The following KHDRBS2 variants were observed in gnomAD, a reference collection of about 807,000 sequenced individuals.
KHDRBS2 encodes the protein KH domain-containing, RNA-binding, signal transduction-associated protein 2.
A neutral mutation model predicts 44.3 loss-of-function variants in KHDRBS2; 26 were observed. That is an observed-to-expected ratio of 0.59 (90% CI 0.43 to 0.81). KHDRBS2 has a LOEUF of 0.81. KHDRBS2 is among the 40% of genes least tolerant of loss of function. The pLI is 0.00. For missense variants in KHDRBS2, 476 were observed against 433.1 expected, an observed-to-expected ratio of 1.10 and a Z score of -0.88; for synonymous variants, 194 against 151.1, an observed-to-expected ratio of 1.28 and a Z score of -2.08.
rs182404613 is a variant in KHDRBS2, at chr6:61,923,605, A to T, written c.484-22234T>A. 5.3e-5 allele frequency among the ~76,000 whole-genome samples: 8 copies of T among 152,090 alleles called. No individual in the cohort carries two copies. In the East Asian group the frequency reaches 1.5e-3, roughly 29 times the overall value. The stretch of plus-strand genomic sequence containing the variant: ...AATAATCTCAATAGATGTAGGAAAA[A>T]CATTTAACAAAATCCAATATTCATT... On this transcript the variant is annotated intron_variant, in intron 4 of 8. Transcript: ENST00000281156.
chr6:61,620,998 C>T, the KHDRBS2 span, among the ~76,000 whole-genome samples: 15 of 152,314 alleles, frequency 9.8e-5, no homozygotes, highest in African/African-American at 2.6e-4. Flanking sequence ...TTCTCTTGCA[C>T]TTCTGCCTCT....
chr6:62,073,408 C>A (rs1407034957), intron 2 of KHDRBS2, among the ~76,000 whole-genome samples: 1 of 151,536 alleles, frequency 6.6e-6, no homozygotes, highest in East Asian at 2.0e-4. Flanking sequence ...ACTAATGTCC[C>A]AGTTTCATTT....
At chr6:61,624,372 G>C in the KHDRBS2 span, among the ~76,000 whole-genome samples, 2 of 152,146 alleles carry the variant, frequency 1.3e-5, no homozygotes, top group Non-Finnish European at 2.9e-5. Context: ...CAAACACCAA[G>C]TGGACACTTG....
chr6:62,263,458 A>G (rs1563155015), intron 1 of KHDRBS2, among the ~76,000 whole-genome samples: 1 of 151,690 alleles, frequency 6.6e-6, no homozygotes, highest in South Asian at 2.1e-4. Context: ...TTACTGATAC[A>G]TGATTAATGT....
chr6:61,599,316 A>G, the KHDRBS2 span, among the ~76,000 whole-genome samples: 1 of 152,120 alleles, frequency 6.6e-6, no homozygotes, highest in Non-Finnish European at 1.5e-5. Flanking sequence ...TCTAAATAGT[A>G]TTCTTTCATA....
chr6:61,592,336 A>G, the KHDRBS2 span, among the ~76,000 whole-genome samples: 1 of 152,202 alleles, frequency 6.6e-6, no homozygotes, highest in Non-Finnish European at 1.5e-5. Flanking sequence ...TTGAGGTTAC[A>G]GTAAAAATAA....
At chr6:62,007,722 A>G (rs1270646920) in intron 3 of KHDRBS2, among the ~76,000 whole-genome samples, 2 of 152,264 alleles carry the variant, frequency 1.3e-5, no homozygotes, top group East Asian at 3.9e-4. Flanking sequence ...GTGGCTGAAA[A>G]ATAGATGTAT....
At chr6:61,685,657 G>A (rs902943241) in intron 8 of KHDRBS2, among the ~76,000 whole-genome samples, 9 of 151,736 alleles carry the variant, frequency 5.9e-5, no homozygotes, top group African/African-American at 1.9e-4. Context: ...ACATTTGACT[G>A]TGATAGAAGA....
the KHDRBS2 span, among the ~76,000 whole-genome samples, chr6:61,662,604 C>A: frequency 6.6e-6 from 1 of 152,118 alleles, no homozygotes; most frequent in African/African-American, 2.4e-5. Context: ...TGAACAGACA[C>A]TTCTCAAAAG....
intron 4 of KHDRBS2, among the ~76,000 whole-genome samples, chr6:61,974,224 T>A (rs143336544): frequency 4.3e-4 from 65 of 152,234 alleles, no homozygotes; most frequent in African/African-American, 1.5e-3. Flanking sequence ...AATAGGAAAG[T>A]TGTATTCATG....
chr6:61,567,946 T>A, the KHDRBS2 span, among the ~76,000 whole-genome samples: 1 of 152,136 alleles, frequency 6.6e-6, no homozygotes, highest in Admixed American at 6.5e-5. Flanking sequence ...TTTTCCATGT[T>A]TTCTTCCATC....
At chr6:61,747,294 A>G (rs1267296875) in intron 6 of KHDRBS2, among the ~76,000 whole-genome samples, 1 of 152,196 alleles carries the variant, frequency 6.6e-6, no homozygotes, top group Admixed American at 6.5e-5. Flanking sequence ...AAAACAGCAT[A>G]AGAAATCAAC....
chr6:61,804,137 A>C (rs942867593), intron 6 of KHDRBS2, among the ~76,000 whole-genome samples: 9 of 152,182 alleles, frequency 5.9e-5, no homozygotes, highest in African/African-American at 2.2e-4. Flanking sequence ...ACGAGTCTAC[A>C]AAATCAAAAG....
intron 7 of KHDRBS2, among the ~76,000 whole-genome samples, chr6:61,717,220 A>G (rs1322410661): frequency 6.6e-6 from 1 of 152,090 alleles, no homozygotes. Flanking sequence ...TTAACCTTAA[A>G]TTAATTAAAA....
intron 8 of KHDRBS2, among the ~76,000 whole-genome samples, chr6:61,687,917 G>A (rs1766996095): frequency 6.6e-6 from 1 of 151,668 alleles, no homozygotes; most frequent in South Asian, 2.1e-4. Context: ...TGCAATATTA[G>A]AAAGAATCCC....
At chr6:61,778,932 A>G (rs1308262899) in intron 6 of KHDRBS2, among the ~76,000 whole-genome samples, 1 of 152,054 alleles carries the variant, frequency 6.6e-6, no homozygotes, top group Non-Finnish European at 1.5e-5. Flanking sequence ...TTTACTACTC[A>G]TTGCCTGCCT....
intron 2 of KHDRBS2, among the ~76,000 whole-genome samples, chr6:62,048,758 G>T (rs1788310872): frequency 6.6e-6 from 1 of 151,908 alleles, no homozygotes; most frequent in Non-Finnish European, 1.5e-5. Flanking sequence ...AAGCATTTAT[G>T]TTAGCTACTA....
the KHDRBS2 span, among the ~76,000 whole-genome samples, chr6:61,622,476 G>A: frequency 6.6e-6 from 1 of 152,208 alleles, no homozygotes; most frequent in African/African-American, 2.4e-5. Context: ...GTGCCGATAA[G>A]ATGGATTTTA....
At chr6:61,547,402 T>A in the KHDRBS2 span, among the ~76,000 whole-genome samples, 1 of 152,242 alleles carries the variant, frequency 6.6e-6, no homozygotes, top group East Asian at 1.9e-4. Context: ...TCAATATTTT[T>A]GCTGTTTTCA....
Sources: allele counts gnomAD v4.1 joint callset (sites outside exome capture counted in the v4.1 genomes callset), GRCh38; gene constraint gnomAD v4.1.1; transcripts MANE v1.5; gene names NCBI Gene and HGNC (gene_info 2026-07-23, HGNC 2026-07-21).